The following ATP1A1 variants were observed in gnomAD, a reference collection of about 807,000 sequenced individuals.
ATP1A1 encodes the protein sodium/potassium-transporting ATPase subunit alpha-1.
In ATP1A1, 14 loss-of-function variants were observed where a neutral mutation model predicts 114.8. The ratio of observed to expected loss-of-function variants is 0.12; its 90% confidence interval spans 0.08 to 0.19. The LOEUF is 0.19. Ranked by LOEUF, ATP1A1 falls within the 10% of genes least tolerant of loss-of-function variation. The pLI is 1.00. For synonymous variants in ATP1A1, 471 were observed against 466.3 expected (o/e 1.01, Z -0.13); for missense variants, 524 against 1,290.7 (o/e 0.41, Z 9.10).
chr1:116,401,687 A>G lies in ATP1A1; in HGVS notation c.2951+32A>G, dbSNP rs767704102. The stretch of plus-strand genomic sequence containing the variant: ...TGATCCTCTGGTAGCTCCAAAAAGT[A>G]TGAAATAGTATGTGTGGCTTTTCCC... On this transcript the variant is annotated intron_variant, in intron 21 of 22. Coordinates refer to ENST00000295598, the MANE Select transcript of ATP1A1 (RefSeq NM_000701.8). This position sits in a 1 kb window ranked among gnomAD's most constrained non-coding sequence, Gnocchi z 4.7. 2 of 1,583,622 alleles carry G rather than the reference A, an allele frequency of 1.3e-6. No homozygotes were observed. Among genetic ancestry groups the G allele is most frequent in the Non-Finnish European group, 1.7e-6 (2 of 1,154,566 alleles).
At chr1:116,374,860 T>C (rs1651255322) in intron 1 of ATP1A1, among the ~76,000 whole-genome samples, 1 of 152,110 alleles carries the variant, frequency 6.6e-6, no homozygotes, top group Non-Finnish European at 1.5e-5. Flanking sequence ...TTGGGGACTC[T>C]AAGGGAGTTT....
chr1:116,400,756 C>A, intron 18 of ATP1A1, 105 bp from the exon 19 acceptor site: 3 of 1,352,960 alleles, frequency 2.2e-6, no homozygotes, highest in Non-Finnish European at 3.1e-6. Flanking sequence ...GGGGGAAACA[C>A]TCCTCCATAT....
In ATP1A1 at chr1:116,387,443, G is replaced by C. The variant is rs1312465041; in HGVS notation, c.339G>C (p.Leu113Phe). Residue 113 changes from leucine to phenylalanine, a missense_variant, in exon 4 of 23, where the codon TTG becomes TTC. This residue lies in a region of ATP1A1 where 141 missense variants were observed against 316.6 expected (regional missense o/e 0.45). Transcript: ENST00000295598. The surrounding 1 kb of genome is among the most constrained non-coding windows in gnomAD (Gnocchi z 6.7). ...GGATTGGAGCGATTCTTTGTTTCTT[G>C]GCTTATAGCATCCAAGCTGCTACAG... ...LLWIGAILCF[L>F]AYSIQAATEE... The C allele has an allele frequency of 6.2e-6, 10 of 1,613,996 alleles. No individual in the cohort carries two copies. The highest frequency in any genetic ancestry group is 1.7e-5 in the Admixed American group (1 of 60,002).
intron 1 of ATP1A1, among the ~76,000 whole-genome samples, chr1:116,374,668 TTACACA>T (rs1230267226): frequency 6.6e-6 from 1 of 152,108 alleles, no homozygotes; most frequent in Non-Finnish European, 1.5e-5. Flanking sequence ...TGAGAAAAAT[TTACACA>T]GAATAACCTC....
rs1651993132 is a variant in ATP1A1 at position 116,385,032 on chromosome 1, T to G, written c.183+190T>G. 6.9e-6 allele frequency: 4 copies of G among 583,040 alleles called. No individual in the cohort carries two copies. Among genetic ancestry groups the G allele is most frequent in the Non-Finnish European group, 1.2e-5 (4 of 332,486 alleles). The allele number at this position is 583,040 out of a possible 1,614,324, so 36.1% of individuals were successfully genotyped here. A position where few individuals can be genotyped will look rare whatever the true frequency, so the allele number is the denominator to read the frequency against. On this transcript the variant is annotated intron_variant, in intron 3 of 22. Transcript: ENST00000295598. This position sits in a 1 kb window ranked among gnomAD's most constrained non-coding sequence, Gnocchi z 4.3. Reference sequence around the variant, plus strand: ...ACCGTTTCTTTTCCCTGAAACTTTTTGAAAGTAGATGTTATTTTCTTTTCC... The same window carrying G: ...ACCGTTTCTTTTCCCTGAAACTTTTGGAAAGTAGATGTTATTTTCTTTTCC...
Position 116,395,794 on chromosome 1 carries a change from C to G in ATP1A1, c.1836+509C>G, listed in dbSNP as rs1322599146. 6.6e-6 allele frequency among the ~76,000 whole-genome samples: 1 copy of G among 152,068 alleles called. No homozygotes were observed. The highest frequency in any genetic ancestry group is 1.5e-5 in the Non-Finnish European group (1 of 68,010). On this transcript the variant is annotated intron_variant, in intron 13 of 22. Coordinates refer to ENST00000295598, the MANE Select transcript of ATP1A1 (RefSeq NM_000701.8). This position sits in a 1 kb window ranked among gnomAD's most constrained non-coding sequence, Gnocchi z 6.4. ...TGAGACAGAGTCTTGCTCTATTGCC[C>G]AGGCTGGAATGTCATAGCACGATCT...
At chr1:116,382,012 T>TAA (rs1479321370) in intron 1 of ATP1A1, among the ~76,000 whole-genome samples, 1 of 152,062 alleles carries the variant, frequency 6.6e-6, no homozygotes, top group East Asian at 1.9e-4. Context: ...CCGTCTCTAC[T>TAA]AAAAATACAA....
At position 116,387,576 on chromosome 1, in the gene ATP1A1, A is replaced by T; in HGVS notation, c.387+85A>T. On this transcript the variant is annotated intron_variant, in intron 4 of 22. Transcript: ENST00000295598. The surrounding 1 kb of genome is among the most constrained non-coding windows in gnomAD (Gnocchi z 6.7). ...TGTCTCCCACTTCTTCTCAATTACC[A>T]CTCATTACTTAATGGTTATGAACTC... 7.1e-7 allele frequency: 1 copy of T among 1,413,560 alleles called. No homozygotes were observed. The highest frequency in any genetic ancestry group is 9.8e-7 in the Non-Finnish European group (1 of 1,019,792). 87.6% of individuals were successfully genotyped at this position (1,413,560 alleles called of 1,614,324 possible). A position where few individuals can be genotyped will look rare whatever the true frequency, so the allele number is the denominator to read the frequency against.
In ATP1A1 at chr1:116,395,187, A is replaced by G. The variant is rs77217304; in HGVS notation, c.1738A>G (p.Ile580Val). 0.027 allele frequency: 43,199 copies of G among 1,614,024 alleles called. 752 individuals carry two copies. Among genetic ancestry groups the G allele is most frequent in the Middle Eastern group, 0.051 (312 of 6,062 alleles). Residue 580 changes from isoleucine (I) to valine (V), a missense_variant, in exon 13 of 23, where the codon ATC becomes GTC. Physicochemically the swap from Ile to Val is conservative, Grantham distance 29 (BLOSUM62 3). This residue lies in a region of ATP1A1 where 143 missense variants were observed against 259.3 expected (regional missense o/e 0.55). Transcript: ENST00000295598. The surrounding 1 kb of genome is among the most constrained non-coding windows in gnomAD (Gnocchi z 6.4). ...QFDTDDVNFP[I>V]DNLCFVGLIS... Reference sequence around the variant, plus strand: ...TGACACTGACGATGTGAATTTCCCTATCGATAATCTGTGCTTTGTTGGGCT... The same window carrying G: ...TGACACTGACGATGTGAATTTCCCTGTCGATAATCTGTGCTTTGTTGGGCT...
rs1367617648 is a variant in ATP1A1, at chr1:116,393,009, A to C, written c.1467+21A>C. 1.2e-6 allele frequency: 2 copies of C among 1,612,948 alleles called. No individual in the cohort carries two copies. The highest frequency in any genetic ancestry group is 1.7e-6 in the Non-Finnish European group (2 of 1,179,372). On this transcript the variant is annotated intron_variant, in intron 11 of 22. Coordinates refer to ENST00000295598, the MANE Select transcript of ATP1A1 (RefSeq NM_000701.8). This position sits in a 1 kb window ranked among gnomAD's most constrained non-coding sequence, Gnocchi z 5.0. The stretch of plus-strand genomic sequence containing the variant: ...ACCAGGTCTGAAGATCGATGGGTAC[A>C]CGGAGGGCGAGGGCAAGCTGGGGGA...
In ATP1A1 at chr1:116,399,578, C is replaced by A; in HGVS notation, c.2572+35C>A. On this transcript the variant is annotated intron_variant, in intron 18 of 22. Transcript: ENST00000295598. This position sits in a 1 kb window ranked among gnomAD's most constrained non-coding sequence, Gnocchi z 5.0. ...AGCCTGGAGTGGGAAGCTGGCACAT[C>A]TAAGGCATCTGAGGTGATGGTGTCC... 1 of 1,612,414 alleles carries A rather than the reference C, an allele frequency of 6.2e-7. No homozygotes were observed. The highest frequency in any genetic ancestry group is 8.5e-7 in the Non-Finnish European group (1 of 1,179,148).
Position 116,387,181 on chromosome 1 carries a change from T to G in ATP1A1, c.184-107T>G. ...ACCTTGGCTCTCTAGCTTGGGACAT[T>G]TTGTTTCTTCCTTAAATCCTTATTG... On this transcript the variant is annotated intron_variant, in intron 3 of 22. Coordinates refer to ENST00000295598, the MANE Select transcript of ATP1A1 (RefSeq NM_000701.8). The surrounding 1 kb of genome is among the most constrained non-coding windows in gnomAD (Gnocchi z 6.7). 1.5e-6 allele frequency: 2 copies of G among 1,323,146 alleles called. No individual in the cohort carries two copies. The highest frequency in any genetic ancestry group is 2.1e-6 in the Non-Finnish European group (2 of 956,814). The allele number at this position is 1,323,146 out of a possible 1,614,324, so 82.0% of individuals were successfully genotyped here.
intron 1 of ATP1A1, 40 bp downstream of exon 1, chr1:116,373,563 C>T (rs111967829): frequency 2.1e-6 from 3 of 1,416,164 alleles, no homozygotes; most frequent in African/African-American, 3.0e-5. Context: ...CTCGGGGAGC[C>T]CTCGAGGGGA....
rs762274061 is a variant in ATP1A1, at chr1:116,392,842, C to T, written c.1333-12C>T. 6.3e-7 allele frequency: 1 copy of T among 1,599,628 alleles called. No individual in the cohort carries two copies. The highest frequency in any genetic ancestry group is 8.5e-7 in the Non-Finnish European group (1 of 1,173,672). ...TTTGGAGATAATTTACAGATGATGT[C>T]TCTGTTCACAGCGGGCAGTTGCAGG... is the stretch of plus-strand genomic sequence containing the variant. On this transcript the variant is annotated splice_polypyrimidine_tract_variant and intron_variant, in intron 10 of 22. Transcript: ENST00000295598.
At position 116,398,179 on chromosome 1, in the gene ATP1A1, A is replaced by C; in HGVS notation, c.2124+141A>C. 3.9e-4 allele frequency: 468 copies of C among 1,212,968 alleles called. No individual in the cohort carries two copies. Among genetic ancestry groups the C allele is most frequent in the Non-Finnish European group, 4.9e-4 (438 of 886,686 alleles). 75.1% of individuals were successfully genotyped at this position (1,212,968 alleles called of 1,614,324 possible). ...GTATAAATAGGCCAGTAGGAAGCTC[A>C]TAGGCATAGAGAGGGTGACTTGTTA... On this transcript the variant is annotated intron_variant, in intron 15 of 22. Transcript: ENST00000295598. This position sits in a 1 kb window ranked among gnomAD's most constrained non-coding sequence, Gnocchi z 6.1.
intron 1 of ATP1A1, among the ~76,000 whole-genome samples, chr1:116,376,780 CCAAAA>C (rs1651401788): frequency 6.6e-6 from 1 of 151,518 alleles, no homozygotes; most frequent in Non-Finnish European, 1.5e-5. Flanking sequence ...AAAAAACAAA[CCAAAA>C]CAAAAAAACA....
In ATP1A1 at chr1:116,388,970, C is replaced by T; in HGVS notation, c.705C>T (p.Asn235=). 4.3e-6 allele frequency: 7 copies of T among 1,614,152 alleles called. No individual in the cohort carries two copies. The highest frequency in any genetic ancestry group is 1.1e-5 in the South Asian group (1 of 91,076). ...GGTCTCCAGATTTCACAAATGAAAA[C>T]CCCCTGGAGACGAGGAACATTGCCT... The part of the protein sequence containing the change: ...QTRSPDFTNE[N]PLETRNIAFF... Residue 235 remains asparagine, a synonymous_variant, in exon 7 of 23, where the codon AAC becomes AAT. Coordinates refer to ENST00000295598, the MANE Select transcript of ATP1A1 (RefSeq NM_000701.8). The surrounding 1 kb of genome is among the most constrained non-coding windows in gnomAD (Gnocchi z 5.6).
In ATP1A1 at chr1:116,404,498, C is replaced by T; in HGVS notation, c.*54C>T. On this transcript the variant is annotated 3_prime_UTR_variant, in exon 23 of 23. Transcript: ENST00000295598. This position sits in a 1 kb window ranked among gnomAD's most constrained non-coding sequence, Gnocchi z 4.8. ...AGGCCACACACTCTGCATCCGACAC[C>T]CACCCCCTCTTTGTGTACTTCAGTC... is the stretch of plus-strand genomic sequence containing the variant. 2 of 1,573,312 alleles carry T rather than the reference C, an allele frequency of 1.3e-6. No individual in the cohort carries two copies. Among genetic ancestry groups the T allele is most frequent in the East Asian group, 2.3e-5 (1 of 42,654 alleles).
chr1:116,373,906 AG>A, intron 1 of ATP1A1: 1 of 1,299,412 alleles, frequency 7.7e-7, no homozygotes. Context: ...GGCATCCCTG[AG>A]CCTGGCTCCC....
Sources: gnomAD v4.1 joint callset for allele counts (sites outside exome capture counted in the v4.1 genomes callset) on GRCh38, gnomAD v4.1.1 for gene constraint, gnomAD v4.1.1 regional missense constraint, Gnocchi (gnomAD v3.1) non-coding constraint, MANE v1.5 for transcripts, NCBI Gene and HGNC (gene_info 2026-07-23, HGNC 2026-07-21) for gene names.